Variants in FRMD3 observed in about 807,000 individuals in gnomAD.
The protein encoded by FRMD3 is FERM domain containing 3, also known as FERM domain-containing protein 3.
In FRMD3, 33 loss-of-function variants were observed where a neutral mutation model predicts 70.2. The observed-to-expected ratio is 0.47, with a 90% CI of 0.36 to 0.63. The LOEUF (loss-of-function observed/expected upper bound fraction) is 0.63, where lower values mean the gene tolerates loss of function less well. Ranked by LOEUF, FRMD3 falls within the 20% of genes least tolerant of loss-of-function variation. FRMD3 has a pLI of 0.00. For missense variants in FRMD3, 632 were observed against 711.4 expected, an observed-to-expected ratio of 0.89 and a Z score of 1.27; for synonymous variants, 279 against 255.9, an observed-to-expected ratio of 1.09 and a Z score of -0.86.
At chr9:83,349,897 C>A in intron 3 of FRMD3, 140 bp from the exon 4 acceptor site, 35 of 512,726 alleles carry the variant, frequency 6.8e-5, no homozygotes, top group Non-Finnish European at 7.7e-5. Flanking sequence ...TTGGAAGAAG[C>A]AGATATGATG....
chr9:83,488,019 G>T (rs1268737798), intron 1 of FRMD3, among the ~76,000 whole-genome samples: 1 of 152,060 alleles, frequency 6.6e-6, no homozygotes, highest in African/African-American at 2.4e-5. Context: ...TTGGGTTACA[G>T]CTACAATAGA....
chr9:83,582,614 C>A, the FRMD3 span, among the ~76,000 whole-genome samples: 1 of 152,176 alleles, frequency 6.6e-6, no homozygotes, highest in Non-Finnish European at 1.5e-5. Flanking sequence ...CTCTCCATAG[C>A]AGAATCTGTT....
Position 83,247,317 on chromosome 9 carries a change from A to G in FRMD3, c.*601T>C. On this transcript the variant is annotated 3_prime_UTR_variant, in exon 14 of 14. Transcript: ENST00000304195. ...AACAAAGTAGCGCCAAAACATTAAA[A>G]AAATTCTGATATACCTTTTGTGCAT... is the stretch of plus-strand genomic sequence containing the variant. 1.0e-6 allele frequency: 1 copy of G among 985,072 alleles called. No individual in the cohort carries two copies. Among genetic ancestry groups the G allele is most frequent in the South Asian group, 4.7e-5 (1 of 21,280 alleles). The allele number at this position is 985,072 out of a possible 1,614,324, so 61.0% of individuals were successfully genotyped here. A position where few individuals can be genotyped will look rare whatever the true frequency, so the allele number is the denominator to read the frequency against.
chr9:83,509,608 G>T (rs1285810147), intron 1 of FRMD3, among the ~76,000 whole-genome samples: 3 of 152,162 alleles, frequency 2.0e-5, no homozygotes, highest in African/African-American at 7.2e-5. Context: ...GATGGCAACA[G>T]AAATAGTTTG....
At position 83,247,396 on chromosome 9, in the gene FRMD3, T is replaced by TTA. The variant is rs1832157781; in HGVS notation, c.*521_*522insTA. 1.0e-6 allele frequency: 1 copy of TTA among 979,792 alleles called. No individual in the cohort carries two copies. The highest frequency in any genetic ancestry group is 1.2e-6 in the Non-Finnish European group (1 of 825,376). 60.7% of individuals were successfully genotyped at this position (979,792 alleles called of 1,614,324 possible). ...CTCCAGGAGGCTTCTTTTTTTTTTT[T>TTA]GCTAAAAATTTACCAAAATAGTTTG... On this transcript the variant is annotated 3_prime_UTR_variant, in exon 14 of 14. Coordinates refer to ENST00000304195, the MANE Select transcript of FRMD3 (RefSeq NM_174938.6).
intron 6 of FRMD3, 114 bp downstream of exon 6, chr9:83,335,402 C>T: frequency 1.8e-6 from 2 of 1,130,086 alleles, no homozygotes; most frequent in Non-Finnish European, 2.5e-6. Context: ...CCACGCAAAA[C>T]AGCCTATCCA....
chr9:83,246,662 C>A lies in FRMD3; in HGVS notation c.*1256G>T, dbSNP rs1003531788. ...TCATATTCTCTCTCTCTCTCTCTCT[C>A]TCTCTCTCACACACACACACACGCA... On this transcript the variant is annotated 3_prime_UTR_variant, in exon 14 of 14. Coordinates refer to ENST00000304195, the MANE Select transcript of FRMD3 (RefSeq NM_174938.6). 1 of 970,870 alleles carries A rather than the reference C, an allele frequency of 1.0e-6. No homozygotes were observed. Among genetic ancestry groups the A allele is most frequent in the Admixed American group, 6.8e-5 (1 of 14,680 alleles). The allele number at this position is 970,870 out of a possible 1,614,324, so 60.1% of individuals were successfully genotyped here. A position where few individuals can be genotyped will look rare whatever the true frequency, so the allele number is the denominator to read the frequency against.
chr9:83,298,583 CT>C (rs1158447946), intron 12 of FRMD3, among the ~76,000 whole-genome samples, 164 bp downstream of exon 12: 2 of 152,250 alleles, frequency 1.3e-5, no homozygotes, highest in Non-Finnish European at 2.9e-5. Flanking sequence ...TGGAGCCCAG[CT>C]GTGCTCATGC....
chr9:83,416,780 T>TCG (rs1826465694), intron 1 of FRMD3, among the ~76,000 whole-genome samples: 2 of 103,488 alleles, frequency 1.9e-5, no homozygotes, highest in African/African-American at 7.7e-5. Context: ...TCTCTCTCTC[T>TCG]CTCTCTCACT....
chr9:83,270,021 G>A (rs1028792852), intron 13 of FRMD3, among the ~76,000 whole-genome samples: 1 of 152,186 alleles, frequency 6.6e-6, no homozygotes, highest in Non-Finnish European at 1.5e-5. Context: ...AGAGGAACAA[G>A]AAAAGAGAGG....
At chr9:83,405,607 C>CA (rs34523655) in intron 1 of FRMD3, among the ~76,000 whole-genome samples, 36,412 of 141,632 alleles carry the variant, frequency 0.26, 4,852 homozygotes, top group South Asian at 0.38. Flanking sequence ...ACTAAAAATG[C>CA]AAAAAAAAAA....
chr9:83,341,350 G>C (rs975779709), intron 5 of FRMD3, among the ~76,000 whole-genome samples: 14 of 152,146 alleles, frequency 9.2e-5, no homozygotes, highest in Non-Finnish European at 1.3e-4. Context: ...TGATCGTCTG[G>C]ATGGAGGCTC....
At chr9:83,317,370 G>A (rs1347559832) in intron 6 of FRMD3, among the ~76,000 whole-genome samples, 2 of 151,962 alleles carry the variant, frequency 1.3e-5, no homozygotes, top group Non-Finnish European at 2.9e-5. Context: ...AGTGAACCAG[G>A]ACCAGAGCCA....
chr9:83,528,587 T>A (rs796982005), intron 1 of FRMD3, among the ~76,000 whole-genome samples: 86 of 152,242 alleles, frequency 5.6e-4, no homozygotes, highest in African/African-American at 1.9e-3. Flanking sequence ...TGGAGTGCAG[T>A]GGCACAGTCA....
chr9:83,459,158 T>C (rs1827900416), intron 1 of FRMD3, among the ~76,000 whole-genome samples: 1 of 152,198 alleles, frequency 6.6e-6, no homozygotes, highest in Non-Finnish European at 1.5e-5. Flanking sequence ...AAAACTGAAA[T>C]TGAGTCTTGT....
intron 1 of FRMD3, among the ~76,000 whole-genome samples, chr9:83,409,742 C>T (rs1041905085): frequency 6.6e-6 from 1 of 152,222 alleles, no homozygotes; most frequent in Admixed American, 6.5e-5. Context: ...AAAATGTATG[C>T]TCAAGCAACA....
At chr9:83,266,541 T>C (rs1479217896) in intron 13 of FRMD3, among the ~76,000 whole-genome samples, 2 of 152,202 alleles carry the variant, frequency 1.3e-5, no homozygotes, top group Non-Finnish European at 2.9e-5. Context: ...TCCAATTCTT[T>C]GGCCAATATT....
chr9:83,456,867 C>T (rs1034038490), intron 1 of FRMD3, among the ~76,000 whole-genome samples: 6 of 152,058 alleles, frequency 3.9e-5, no homozygotes, highest in Non-Finnish European at 7.4e-5. Flanking sequence ...GTAGTCCCAG[C>T]TACTCGAGAG....
chr9:83,291,493 T>A (rs553265125), intron 12 of FRMD3, among the ~76,000 whole-genome samples: 3 of 152,160 alleles, frequency 2.0e-5, no homozygotes, highest in Non-Finnish European at 4.4e-5. Context: ...CCAAAACCAG[T>A]GCATACTTTA....
Sources: allele counts gnomAD v4.1 joint callset (sites outside exome capture counted in the v4.1 genomes callset), GRCh38; gene constraint gnomAD v4.1.1; transcripts MANE v1.5; gene names NCBI Gene and HGNC (gene_info 2026-07-23, HGNC 2026-07-21).